PODN: variants seen among roughly 807,000 people sequenced by gnomAD.
The protein encoded by PODN is podocan proteoglycan.
In PODN, 40 loss-of-function variants were observed where a neutral mutation model predicts 52.7. The observed-to-expected ratio is 0.76, with a 90% confidence interval of 0.59 to 0.99. The LOEUF is 0.99. Ranked by LOEUF, PODN falls within the 50% of genes least tolerant of loss-of-function variation. The pLI is 0.00. For synonymous variants in PODN, 396 were observed against 377.9 expected, an observed-to-expected ratio of 1.05 and a Z score of -0.56; for missense variants, 720 against 815.1, an observed-to-expected ratio of 0.88 and a Z score of 1.42.
chr1:53,075,151 C>T (rs1644175947), intron 4 of PODN, among the ~76,000 whole-genome samples: 1 of 152,230 alleles, frequency 6.6e-6, no homozygotes. Flanking sequence ...TGTGCCCTCC[C>T]AGACTCTGTC....
chr1:53,063,425 G>A (rs1643988626), intron 1 of PODN: 1 of 985,560 alleles, frequency 1.0e-6, no homozygotes, highest in African/African-American at 1.7e-5. Context: ...TGTGAACCGG[G>A]AGAGCCCCTG....
intron 3 of PODN, chr1:53,073,104 C>T: frequency 4.4e-6 from 1 of 225,132 alleles, no homozygotes. Flanking sequence ...GACAGCATCT[C>T]TCCTTCTAAG....
At chr1:53,076,942 G>A (rs1277442130) in intron 5 of PODN, among the ~76,000 whole-genome samples, 1 of 152,186 alleles carries the variant, frequency 6.6e-6, no homozygotes, top group South Asian at 2.1e-4. Context: ...GCGTGGAGGG[G>A]CCTCTGCCAG....
chr1:53,071,452 A>G, intron 2 of PODN, 83 bp from the exon 3 acceptor site: 5 of 1,164,768 alleles, frequency 4.3e-6, no homozygotes, highest in Non-Finnish European at 6.1e-6. Context: ...GGATTCTAGG[A>G]CTGGAGCTAT....
intron 10 of PODN, among the ~76,000 whole-genome samples, 178 bp from the exon 11 acceptor site, chr1:53,084,335 G>A (rs1644332613): frequency 6.6e-6 from 1 of 151,840 alleles, no homozygotes; most frequent in African/African-American, 2.4e-5. Flanking sequence ...GGGACCCAAA[G>A]GCCTTCTGGC....
intron 7 of PODN, 131 bp from the exon 8 acceptor site, chr1:53,078,234 G>T (rs1572273250): frequency 1.1e-6 from 1 of 919,172 alleles, no homozygotes; most frequent in East Asian, 2.5e-5. Flanking sequence ...AGGACTGAGG[G>T]CCCACAGTCA....
In PODN at chr1:53,069,981, GA is replaced by G. The variant is rs773872807; in HGVS notation, c.128del (p.Asn43ThrfsTer12). 5.0e-6 allele frequency: 8 copies of G among 1,611,044 alleles called. No homozygotes were observed. Among genetic ancestry groups the G allele is most frequent in the Non-Finnish European group, 6.8e-6 (8 of 1,179,150 alleles). ...SGGHSLSPEE[N>X]EFAEEEPVLV... ...GCGGCCACAGCCTGAGCCCCGAAGA[GA>G]ACGAATTTGCGGAGGAGGAGCCGGT... On this transcript the variant is annotated frameshift_variant, in exon 2 of 11. Transcript: ENST00000312553. LOFTEE classifies it high-confidence loss of function.
In PODN at chr1:53,082,154, C is replaced by G. The variant is rs144314074; in HGVS notation, c.1835C>G (p.Thr612Arg). 18 of 1,603,116 alleles carry G rather than the reference C, an allele frequency of 1.1e-5. No individual in the cohort carries two copies. The African/African-American group carries it at 1.7e-4, about 15-fold the overall frequency. Residue 612 changes from threonine to arginine, a missense_variant, in exon 10 of 11, where the codon ACA (threonine) becomes AGA (arginine). Physicochemically the swap from Thr to Arg is moderately conservative, Grantham distance 71. Coordinates refer to ENST00000312553, the MANE Select transcript of PODN (RefSeq NM_153703.5). ...GAGGAGGAGGAGGAGGAAGAGGAAA[C>G]AAGATAGTGACAAGGTGATGCAGAT... ...EEEEEEEEEE[T>R]R
chr1:53,077,059 G>T, intron 5 of PODN, 131 bp from the exon 6 acceptor site: 1 of 1,148,682 alleles, frequency 8.7e-7, no homozygotes. Flanking sequence ...CATCTGAGGT[G>T]CTTCTAACTC....
At chr1:53,083,279 G>C (rs1318067835) in intron 10 of PODN, among the ~76,000 whole-genome samples, 1 of 152,186 alleles carries the variant, frequency 6.6e-6, no homozygotes, top group Non-Finnish European at 1.5e-5. Flanking sequence ...GGAAGCAAAG[G>C]CCTCTCGAGG....
In PODN at chr1:53,074,598, C is replaced by T. The variant is rs373706774; in HGVS notation, c.407-8C>T. On this transcript the variant is annotated splice_region_variant and splice_polypyrimidine_tract_variant and intron_variant, in intron 3 of 10. Transcript: ENST00000312553. ...TCCAGGGCTCTGACCGATGCCTGTCCTTTGAAGGGCTCCCAGAGAAGGCGT... is the reference window on the plus strand; with the variant it reads ...TCCAGGGCTCTGACCGATGCCTGTCTTTTGAAGGGCTCCCAGAGAAGGCGT... The T allele has an allele frequency of 3.7e-6, 6 of 1,614,006 alleles. No homozygotes were observed. The highest frequency in any genetic ancestry group is 2.7e-5 in the African/African-American group (2 of 75,038).
intron 2 of PODN, 200 bp from the exon 3 acceptor site, chr1:53,071,335 G>T (rs962319703): frequency 1.8e-6 from 1 of 569,684 alleles, no homozygotes; most frequent in Non-Finnish European, 3.2e-6. Flanking sequence ...CTCCTGTTGT[G>T]ATCACTGCTG....
At chr1:53,080,648 G>A in intron 8 of PODN, 80 bp from the exon 9 acceptor site, 5 of 1,462,468 alleles carry the variant, frequency 3.4e-6, no homozygotes, top group African/African-American at 1.4e-5. Context: ...TAGATAGGCT[G>A]GGGGCTTGGT....
At chr1:53,071,696 G>A in intron 3 of PODN, 68 bp downstream of exon 3, 3 of 1,445,290 alleles carry the variant, frequency 2.1e-6, no homozygotes, top group Non-Finnish European at 2.9e-6. Flanking sequence ...AACGATGCTG[G>A]GTGCCCAGGG....
chr1:53,079,305 C>G (rs982188720), intron 8 of PODN, among the ~76,000 whole-genome samples: 1 of 152,200 alleles, frequency 6.6e-6, no homozygotes, highest in Non-Finnish European at 1.5e-5. Context: ...GGGCAGAGTA[C>G]AGGTGGTATG....
Position 53,070,035 on chromosome 1 carries a change from G to A in PODN, c.180G>A (p.Gly60=), listed in dbSNP as rs542403323. The change falls in exon 2 of 11, where the codon GGG becomes GGA. Residue 60 remains glycine, a synonymous_variant. Coordinates refer to ENST00000312553, the MANE Select transcript of PODN (RefSeq NM_153703.5). ...PVLVLSPEEP[G]PGPAAVSCPR... ...TGGTACTGAGCCCTGAGGAGCCCGG[G>A]CCTGGCCCAGCCGCGGTCAGCTGCC... 6.2e-7 allele frequency: 1 copy of A among 1,612,942 alleles called. No individual in the cohort carries two copies. Among genetic ancestry groups the A allele is most frequent in the African/African-American group, 1.3e-5 (1 of 75,066 alleles).
chr1:53,079,216 G>T (rs1031291821), intron 8 of PODN, among the ~76,000 whole-genome samples, 194 bp downstream of exon 8: 7 of 152,258 alleles, frequency 4.6e-5, no homozygotes, highest in African/African-American at 1.2e-4. Context: ...GGCCTTAGGG[G>T]AGGCAGGAGG....
chr1:53,077,879 C>A, intron 7 of PODN, 79 bp downstream of exon 7: 4 of 1,196,128 alleles, frequency 3.3e-6, no homozygotes, highest in South Asian at 1.4e-5. Flanking sequence ...TCCAGCCCAG[C>A]CCAGCCCCTC....
Position 53,062,258 on chromosome 1 carries a change from G to A in PODN, c.-106G>A. 1 of 1,273,948 alleles carries A rather than the reference G, an allele frequency of 7.8e-7. No individual in the cohort carries two copies. The highest frequency in any genetic ancestry group is 3.8e-5 in the Admixed American group (1 of 26,092). The allele number at this position is 1,273,948 out of a possible 1,614,324, so 78.9% of individuals were successfully genotyped here. A position where few individuals can be genotyped will look rare whatever the true frequency, so the allele number is the denominator to read the frequency against. On this transcript the variant is annotated 5_prime_UTR_variant, in exon 1 of 11. Transcript: ENST00000312553. ...GAGCCCGCGGAGCGCAGCTGAGACT[G>A]GGGGAGCGCGTTCGGCCTGTGGGGC...
Sources: allele counts gnomAD v4.1 joint callset (sites outside exome capture counted in the v4.1 genomes callset), GRCh38; gene constraint gnomAD v4.1.1; transcripts MANE v1.5; gene names NCBI Gene and HGNC (gene_info 2026-07-23, HGNC 2026-07-21).